Variants in DCC observed in about 807,000 individuals in gnomAD.
The protein encoded by DCC is netrin receptor DCC.
In DCC, 58 loss-of-function variants were observed where a neutral mutation model predicts 172.5. The observed-to-expected ratio is 0.34, with a 90% CI of 0.27 to 0.42. DCC has a LOEUF of 0.42. Ranked by LOEUF, DCC falls within the 10% of genes least tolerant of loss-of-function variation. DCC has a pLI of 1.00. For missense variants in DCC, 1,740 were observed against 1,791.0 expected, an observed-to-expected ratio of 0.97 and a Z score of 0.51; for synonymous variants, 709 against 644.5, an observed-to-expected ratio of 1.10 and a Z score of -1.52.
chr18:52,527,933 GC>G (rs1201972305), intron 1 of DCC, among the ~76,000 whole-genome samples: 1 of 152,182 alleles, frequency 6.6e-6, no homozygotes, highest in Non-Finnish European at 1.5e-5. Flanking sequence ...TTTCTAGGCA[GC>G]CCATTTTACT....
At chr18:53,227,328 A>G (rs1212435217) in intron 12 of DCC, among the ~76,000 whole-genome samples, 1 of 152,116 alleles carries the variant, frequency 6.6e-6, no homozygotes, top group Non-Finnish European at 1.5e-5. Flanking sequence ...ATTTTAGTTT[A>G]ATCTCATCAA....
intron 1 of DCC, among the ~76,000 whole-genome samples, chr18:52,520,645 C>T (rs749122457): frequency 6.6e-6 from 1 of 152,000 alleles, no homozygotes; most frequent in Non-Finnish European, 1.5e-5. Flanking sequence ...TTTTTATGTC[C>T]CTATAAATAC....
intron 1 of DCC, among the ~76,000 whole-genome samples, chr18:52,518,649 T>A (rs1293316540): frequency 6.6e-6 from 1 of 152,164 alleles, no homozygotes; most frequent in Non-Finnish European, 1.5e-5. Flanking sequence ...TGAGCCGGCA[T>A]GATGAATATT....
At chr18:53,413,901 T>C (rs1910140920) in intron 20 of DCC, among the ~76,000 whole-genome samples, 1 of 152,170 alleles carries the variant, frequency 6.6e-6, no homozygotes. Context: ...CCTGTAGCAC[T>C]TCCAACAACA....
At chr18:53,111,305 C>A (rs1001316084) in intron 7 of DCC, among the ~76,000 whole-genome samples, 2 of 149,748 alleles carry the variant, frequency 1.3e-5, no homozygotes, top group Admixed American at 6.7e-5. Context: ...TGCTAAATGA[C>A]AAGTTACTGG....
At chr18:53,492,885 G>A (rs907501860) in intron 26 of DCC, among the ~76,000 whole-genome samples, 1 of 152,144 alleles carries the variant, frequency 6.6e-6, no homozygotes, top group African/African-American at 2.4e-5. Context: ...TGATGGGGTA[G>A]CGTTGAATCT....
chr18:52,682,269 C>A (rs2144993097), intron 1 of DCC, among the ~76,000 whole-genome samples: 1 of 152,180 alleles, frequency 6.6e-6, no homozygotes, highest in South Asian at 2.1e-4. Context: ...CCTTACATCC[C>A]AGTGCCTTTA....
rs1322139016 is a variant in DCC, at chr18:52,703,897, A to T, written c.92-48157A>T. 3.3e-5 allele frequency among the ~76,000 whole-genome samples: 5 copies of T among 152,260 alleles called. No individual in the cohort carries two copies. In the East Asian group the frequency reaches 7.7e-4, roughly 24 times the overall value. On this transcript the variant is annotated intron_variant, in intron 1 of 28. Transcript: ENST00000442544. ...ATAGAGATGGAACAACATAGGGTCCAGGGATCTGTGACTGAATCCAGGGGA... is the reference window on the plus strand; with the variant it reads ...ATAGAGATGGAACAACATAGGGTCCTGGGATCTGTGACTGAATCCAGGGGA...
intron 6 of DCC, 125 bp downstream of exon 6, chr18:53,063,584 G>C: frequency 1.3e-6 from 1 of 747,710 alleles, no homozygotes. Context: ...TGTTAAAAAA[G>C]TTATTCAAAT....
chr18:53,452,639 G>A (rs2045428078), intron 23 of DCC, among the ~76,000 whole-genome samples: 1 of 152,164 alleles, frequency 6.6e-6, no homozygotes, highest in African/African-American at 2.4e-5. Context: ...TTTAAAAATA[G>A]GGACCTAATT....
chr18:53,450,840 G>A (rs1272972478), intron 23 of DCC, among the ~76,000 whole-genome samples, 178 bp downstream of exon 23: 7 of 152,070 alleles, frequency 4.6e-5, no homozygotes, highest in South Asian at 4.1e-4. Flanking sequence ...GGCTAGACTC[G>A]CAGATAAGAT....
At chr18:52,643,884 C>T (rs1289443232) in intron 1 of DCC, among the ~76,000 whole-genome samples, 2 of 152,062 alleles carry the variant, frequency 1.3e-5, no homozygotes, top group East Asian at 3.9e-4. Context: ...GAGTACCTTA[C>T]AACTTTTGGC....
chr18:52,811,926 C>T (rs1009859066), intron 2 of DCC, among the ~76,000 whole-genome samples: 4 of 152,124 alleles, frequency 2.6e-5, no homozygotes, highest in African/African-American at 7.2e-5. Context: ...TTTTTGAAAT[C>T]TCAACTATGT....
intron 5 of DCC, among the ~76,000 whole-genome samples, chr18:53,008,605 A>T (rs956700307): frequency 6.6e-6 from 1 of 152,026 alleles, no homozygotes; most frequent in African/African-American, 2.4e-5. Flanking sequence ...AAGCTGTGTA[A>T]CTTTTTTTGA....
chr18:52,667,263 C>T (rs2035472945), intron 1 of DCC, among the ~76,000 whole-genome samples: 1 of 152,154 alleles, frequency 6.6e-6, no homozygotes, highest in Admixed American at 6.6e-5. Context: ...CCCCAACCCC[C>T]AAATGGTAGT....
chr18:53,036,283 C>T (rs117508188), intron 5 of DCC, among the ~76,000 whole-genome samples: 4,289 of 152,092 alleles, frequency 0.028, 83 homozygotes, highest in Non-Finnish European at 0.042. Context: ...ACTTGGACTT[C>T]TTCCAAGATT....
At chr18:52,598,867 C>A (rs2033960779) in intron 1 of DCC, among the ~76,000 whole-genome samples, 1 of 152,090 alleles carries the variant, frequency 6.6e-6, no homozygotes, top group Non-Finnish European at 1.5e-5. Context: ...CAAGATGGCG[C>A]CTCAATGCTG....
intron 1 of DCC, among the ~76,000 whole-genome samples, chr18:52,523,218 G>A (rs990602128): frequency 1.3e-5 from 2 of 152,118 alleles, no homozygotes; most frequent in Admixed American, 6.5e-5. Context: ...ATAAGAAGCA[G>A]CTGAGGTGTC....
At chr18:52,356,090 A>G (rs951635615) in intron 1 of DCC, among the ~76,000 whole-genome samples, 1 of 152,220 alleles carries the variant, frequency 6.6e-6, no homozygotes, top group Non-Finnish European at 1.5e-5. Context: ...GGCTAGGAGA[A>G]AAAGGAAGAG....
Sources: allele counts gnomAD v4.1 joint callset (sites outside exome capture counted in the v4.1 genomes callset), GRCh38; gene constraint gnomAD v4.1.1; transcripts MANE v1.5; gene names NCBI Gene and HGNC (gene_info 2026-07-23, HGNC 2026-07-21).